Variants in ADAM10 observed in about 807,000 individuals in gnomAD.
The protein encoded by ADAM10 is disintegrin and metalloproteinase domain-containing protein 10.
Under a neutral mutation model 90.1 loss-of-function variants are expected in ADAM10, and 17 were observed. The observed-to-expected ratio is 0.19, with a 90% CI of 0.13 to 0.28. The LOEUF (loss-of-function observed/expected upper bound fraction) is 0.28. Among genes scored for constraint, ADAM10 ranks in the 10% least tolerant of loss-of-function variants. The pLI is 1.00. For synonymous variants in ADAM10, 310 were observed against 298.6 expected (o/e 1.04, Z -0.40); for missense variants, 610 against 914.3 (o/e 0.67, Z 4.29).
Position 58,627,943 on chromosome 15 carries a change from T to C in ADAM10, c.1177-60A>G, listed in dbSNP as rs1895993234. 15 of 1,500,604 alleles carry C rather than the reference T, an allele frequency of 1.0e-5. 1 individual carries two copies. The South Asian group carries it at 1.6e-4, about 16-fold the overall frequency. 93.0% of individuals were successfully genotyped at this position (1,500,604 alleles called of 1,614,324 possible). A position where few individuals can be genotyped will look rare whatever the true frequency, so the allele number is the denominator to read the frequency against. On this transcript the variant is annotated intron_variant, in intron 9 of 15. Coordinates refer to ENST00000260408, the MANE Select transcript of ADAM10 (RefSeq NM_001110.4). ...AGTAAAATAAGGTTTTCAGGTCAAC[T>C]GATTAAACGTAATGTTCTCATCAGG...
chr15:58,726,899 G>C (rs1433737647), intron 1 of ADAM10, among the ~76,000 whole-genome samples: 2 of 151,050 alleles, frequency 1.3e-5, no homozygotes, highest in Admixed American at 1.3e-4. Context: ...GAGGAGGGGA[G>C]GGGAGGGGAG....
At chr15:58,696,204 C>G (rs1372539318) in intron 2 of ADAM10, among the ~76,000 whole-genome samples, 1 of 151,820 alleles carries the variant, frequency 6.6e-6, no homozygotes, top group East Asian at 1.9e-4. Context: ...TGGGAGAATC[C>G]TGAGCCCGGG....
At chr15:58,680,827 T>C (rs1368115351) in intron 3 of ADAM10, among the ~76,000 whole-genome samples, 1 of 152,138 alleles carries the variant, frequency 6.6e-6, no homozygotes, top group African/African-American at 2.4e-5. Flanking sequence ...TTTTGTTTTG[T>C]TTTCTTAAAT....
chr15:58,692,693 C>A, intron 2 of ADAM10: 1 of 564,282 alleles, frequency 1.8e-6, no homozygotes, highest in South Asian at 1.4e-5. Context: ...TCACCATGGT[C>A]AACATGTAAA....
chr15:58,626,469 C>A (rs1193231226), intron 10 of ADAM10, among the ~76,000 whole-genome samples: 1 of 152,038 alleles, frequency 6.6e-6, no homozygotes, highest in African/African-American at 2.4e-5. Context: ...CCTAAAGAAA[C>A]CTATGGTCTT....
At chr15:58,669,620 G>A (rs1897150715) in intron 4 of ADAM10, among the ~76,000 whole-genome samples, 2 of 152,042 alleles carry the variant, frequency 1.3e-5, no homozygotes, top group Admixed American at 1.3e-4. Flanking sequence ...GTCCTTAGTA[G>A]TTATTTCATC....
intron 2 of ADAM10, among the ~76,000 whole-genome samples, chr15:58,716,703 A>G (rs1898670683): frequency 6.6e-6 from 1 of 152,246 alleles, no homozygotes; most frequent in African/African-American, 2.4e-5. Context: ...GAGAAAAGTC[A>G]TCTCATAGCA....
At chr15:58,642,549 A>G (rs1186625885) in intron 7 of ADAM10, among the ~76,000 whole-genome samples, 1 of 152,204 alleles carries the variant, frequency 6.6e-6, no homozygotes, top group Non-Finnish European at 1.5e-5. Flanking sequence ...TTTTAAATTA[A>G]TAGGTTATGA....
chr15:58,600,842 CAT>C (rs1292405698), intron 14 of ADAM10, among the ~76,000 whole-genome samples: 1 of 152,124 alleles, frequency 6.6e-6, no homozygotes, highest in Non-Finnish European at 1.5e-5. Context: ...GTTACTGTAA[CAT>C]ATATAATTAC....
intron 1 of ADAM10, among the ~76,000 whole-genome samples, chr15:58,740,131 AGCTCG>A (rs72081674): frequency 0.05 from 7,574 of 152,182 alleles, 642 homozygotes; most frequent in African/African-American, 0.17. Context: ...GCAATATCAA[AGCTCG>A]GCATGGTGGC....
chr15:58,610,871 TC>T, intron 13 of ADAM10, 127 bp downstream of exon 13: 1 of 749,178 alleles, frequency 1.3e-6, no homozygotes, highest in Non-Finnish European at 2.4e-6. Context: ...ATTTATAATC[TC>T]CTCAAGAGGA....
At chr15:58,655,824 G>A (rs1243432593) in intron 5 of ADAM10, among the ~76,000 whole-genome samples, 1 of 134,420 alleles carries the variant, frequency 7.4e-6, no homozygotes, top group African/African-American at 2.9e-5. Flanking sequence ...TCAGCTCACT[G>A]CAACCTCCAC....
At chr15:58,637,269 A>G (rs182747936) in intron 8 of ADAM10, among the ~76,000 whole-genome samples, 29 of 152,346 alleles carry the variant, frequency 1.9e-4, no homozygotes, top group Admixed American at 1.1e-3. Context: ...AGGAGTACTG[A>G]AGGTTTCAGG....
intron 1 of ADAM10, among the ~76,000 whole-genome samples, chr15:58,722,549 AAAG>A (rs1898889928): frequency 6.6e-6 from 1 of 151,004 alleles, no homozygotes; most frequent in Non-Finnish European, 1.5e-5. Flanking sequence ...AAAAAAAAGA[AAAG>A]AACTGAAATC....
chr15:58,664,348 C>A (rs1897031561), intron 5 of ADAM10, among the ~76,000 whole-genome samples: 2 of 152,046 alleles, frequency 1.3e-5, no homozygotes, highest in African/African-American at 4.8e-5. Context: ...CACATATTCC[C>A]AGAACTTTCC....
At chr15:58,679,405 T>C (rs1897369105) in intron 3 of ADAM10, 123 bp from the exon 4 acceptor site, 4 of 828,046 alleles carry the variant, frequency 4.8e-6, no homozygotes, top group African/African-American at 3.5e-5. Flanking sequence ...CACATATATA[T>C]GGTTAAATCT....
chr15:58,749,423 C>G (rs1246051071), intron 1 of ADAM10, 57 bp downstream of exon 1: 2 of 1,491,666 alleles, frequency 1.3e-6, no homozygotes, highest in Non-Finnish European at 1.8e-6. Flanking sequence ...CTCCGCTCGG[C>G]CCGGCCGCCG....
intron 8 of ADAM10, among the ~76,000 whole-genome samples, chr15:58,639,938 G>A (rs1239732090): frequency 6.6e-6 from 1 of 151,790 alleles, no homozygotes. Context: ...AGGAGAATCT[G>A]TTGTATATAG....
intron 4 of ADAM10, chr15:58,672,754 T>C (rs1488696367): frequency 1.0e-4 from 13 of 126,520 alleles, no homozygotes; most frequent in African/African-American, 4.2e-4. Flanking sequence ...TGGATATTGC[T>C]GCATACTGAG....
Sources: allele counts gnomAD v4.1 joint callset (sites outside exome capture counted in the v4.1 genomes callset), GRCh38; gene constraint gnomAD v4.1.1; transcripts MANE v1.5; gene names NCBI Gene and HGNC (gene_info 2026-07-23, HGNC 2026-07-21).